The following PFKL variants were observed in gnomAD, a reference collection of about 807,000 sequenced individuals.
PFKL encodes the protein ATP-dependent 6-phosphofructokinase, liver type.
In PFKL, 74 loss-of-function variants were observed where a neutral mutation model predicts 92.1. The observed-to-expected ratio is 0.80, with a 90% confidence interval of 0.67 to 0.97. The LOEUF is 0.97. Among genes scored for constraint, PFKL ranks in the 50% least tolerant of loss-of-function variants. The pLI, the probability that PFKL is intolerant of heterozygous loss-of-function variation, is 0.00. For synonymous variants in PFKL, 494 were observed against 456.4 expected (o/e 1.08, Z -1.05); for missense variants, 1,028 against 1,116.6 (o/e 0.92, Z 1.13).
In PFKL at chr21:44,324,473, C is replaced by T. The variant is rs762597146; in HGVS notation, c.1651-18C>T. 4 of 1,610,040 alleles carry T rather than the reference C, an allele frequency of 2.5e-6. No homozygotes were observed. The Admixed American group carries it at 6.7e-5, about 27-fold the overall frequency. ...GGGTGGGCACGTGGAGGACCCCCGA[C>T]CCCCCCTTGTCCCCCAGAGCTGTGA... On this transcript the variant is annotated intron_variant, in intron 16 of 21. Coordinates refer to ENST00000349048, the MANE Select transcript of PFKL (RefSeq NM_002626.6).
intron 17 of PFKL, 99 bp downstream of exon 17, chr21:44,324,754 T>TG (rs2047452600): frequency 6.4e-7 from 1 of 1,567,014 alleles, no homozygotes; most frequent in African/African-American, 1.3e-5. Flanking sequence ...CCCGGGCAGG[T>TG]GGGACGCGTA....
chr21:44,323,118 GCCCATC>G, intron 15 of PFKL, 69 bp downstream of exon 15: 1 of 1,311,038 alleles, frequency 7.6e-7, no homozygotes, highest in Admixed American at 1.7e-5. Context: ...CGCCGAGGGG[GCCCATC>G]CTGAAAACCC....
chr21:44,300,325 G>T, intron 1 of PFKL, 135 bp downstream of exon 1: 2 of 224,278 alleles, frequency 8.9e-6, no homozygotes, highest in Non-Finnish European at 1.5e-5. Flanking sequence ...CTCCCGCCCC[G>T]GCCTCCTGCC....
At chr21:44,307,461 C>T (rs887516899) in intron 2 of PFKL, 1 of 236,874 alleles carries the variant, frequency 4.2e-6, no homozygotes. Context: ...AAGACAAGGT[C>T]TTTTGTTATT....
At position 44,316,277 on chromosome 21, in the gene PFKL, A is replaced by T. The variant is rs979825240; in HGVS notation, c.781A>T (p.Ile261Phe). The T allele has an allele frequency of 2.5e-6, 4 of 1,613,052 alleles. No homozygotes were observed. Among genetic ancestry groups the T allele is most frequent in the Non-Finnish European group, 3.4e-6 (4 of 1,179,972 alleles). ...RSRGSRLNII[I>F]IAEGAIDRNG... ...CCGTGGGTCCCGACTGAACATCATCATCATCGCTGAGGGTGCCATTGACCG... is the reference window on the plus strand; with the variant it reads ...CCGTGGGTCCCGACTGAACATCATCTTCATCGCTGAGGGTGCCATTGACCG... The change falls in exon 8 of 22, where the codon ATC becomes TTC. Residue 261 changes from isoleucine to phenylalanine, a missense_variant. By Grantham distance (21) the Ile-to-Phe change is conservative. Transcript: ENST00000349048.
chr21:44,304,661 G>T (rs2040877080), intron 1 of PFKL, among the ~76,000 whole-genome samples: 1 of 149,598 alleles, frequency 6.7e-6, no homozygotes, highest in African/African-American at 2.5e-5. Flanking sequence ...GTTTTTGGTT[G>T]TCGGGTGCTT....
At chr21:44,308,985 CAG>C (rs2041035949) in intron 2 of PFKL, among the ~76,000 whole-genome samples, 1 of 152,148 alleles carries the variant, frequency 6.6e-6, no homozygotes, top group African/African-American at 2.4e-5. Flanking sequence ...CATGGAAACT[CAG>C]GGAGGGGACT....
chr21:44,311,763 G>A (rs1421390750), intron 3 of PFKL, among the ~76,000 whole-genome samples: 1 of 152,164 alleles, frequency 6.6e-6, no homozygotes, highest in Non-Finnish European at 1.5e-5. Flanking sequence ...CCGGTTCCCT[G>A]AGTTGGTACA....
rs778899956 is a variant in PFKL, at chr21:44,326,841, G to T, written c.2322G>T (p.Leu774=). ...TGGAGCACGTGACCCGCCGCACCCTGAGCATGGACAAGGGCTTCTGAGGCC... is the reference window on the plus strand; with the variant it reads ...TGGAGCACGTGACCCGCCGCACCCTTAGCATGGACAAGGGCTTCTGAGGCC... ...GELEHVTRRT[L]SMDKGF The change falls in exon 22 of 22, where the codon CTG becomes CTT. Residue 774 remains leucine (L), a synonymous_variant. Transcript: ENST00000349048. The T allele has an allele frequency of 2.5e-6, 4 of 1,609,894 alleles. No homozygotes were observed. The highest frequency in any genetic ancestry group is 1.7e-5 in the Admixed American group (1 of 59,786).
intron 4 of PFKL, 139 bp downstream of exon 4, chr21:44,312,433 G>C: frequency 1.3e-6 from 1 of 757,942 alleles, no homozygotes; most frequent in Non-Finnish European, 2.0e-6. Flanking sequence ...CCGTTGGCCG[G>C]GGAGGAGTAG....
rs61737074 is a variant in PFKL at position 44,322,965 on chromosome 21, C to T, written c.1413C>T (p.Thr471=). Residue 471 remains threonine, a synonymous_variant, in exon 15 of 22, where the codon ACC becomes ACT. Coordinates refer to ENST00000349048, the MANE Select transcript of PFKL (RefSeq NM_002626.6). ...GCGGATGTGTCTTTGACTGCAGGAC[C>T]CTGCCCAAGGGCCAGCTGGAGTCCA... The part of the protein sequence containing the change: ...RGGSMLGTKR[T]LPKGQLESIV... 1,231 of 1,610,686 alleles carry T rather than the reference C, an allele frequency of 7.6e-4. 12 individuals carry two copies. In the African/African-American group the frequency reaches 0.014, roughly 19 times the overall value.
intron 14 of PFKL, among the ~76,000 whole-genome samples, chr21:44,322,596 C>T (rs1009014796): frequency 6.6e-6 from 1 of 152,212 alleles, no homozygotes; most frequent in Non-Finnish European, 1.5e-5. Flanking sequence ...TGTGTGACTA[C>T]AGGGGAAGTT....
intron 18 of PFKL, 82 bp downstream of exon 18, chr21:44,324,999 A>C (rs1046184398): frequency 2.3e-6 from 3 of 1,331,680 alleles, no homozygotes; most frequent in Non-Finnish European, 3.2e-6. Context: ...GCGGCTGGGC[A>C]GGAGAAGGCA....
At chr21:44,322,333 G>T in intron 14 of PFKL, 130 bp downstream of exon 14, 1 of 826,524 alleles carries the variant, frequency 1.2e-6, no homozygotes, top group South Asian at 1.8e-5. Flanking sequence ...CTGGTGGTCT[G>T]CCCAGAGCAG....
chr21:44,303,410 C>CAAAAAAAAAAAAAAAAAAAA (rs1190805609), intron 1 of PFKL, among the ~76,000 whole-genome samples: 1 of 9,164 alleles, frequency 1.1e-4, no homozygotes, highest in African/African-American at 7.2e-4. Context: ...GACTCTGTCT[C>CAAAAAAAAAAAAAAAAAAAA]AAAAAAAAAA....
At chr21:44,316,726 GGT>G (rs1298522407) in intron 9 of PFKL, among the ~76,000 whole-genome samples, 1 of 151,984 alleles carries the variant, frequency 6.6e-6, no homozygotes, top group Admixed American at 6.6e-5. Context: ...GGTCCGTGTG[GGT>G]GTGTGTGGCA....
Position 44,324,850 on chromosome 21 carries a change from C to T in PFKL, c.1816-6C>T. On this transcript the variant is annotated splice_polypyrimidine_tract_variant and splice_region_variant and intron_variant, in intron 17 of 21. Coordinates refer to ENST00000349048, the MANE Select transcript of PFKL (RefSeq NM_002626.6). ...TCCGGCTCATCCGTGTCCGCCCCTC[C>T]CGCAGGTCAACGTGGAGCACATGAC... is the stretch of plus-strand genomic sequence containing the variant. The T allele has an allele frequency of 9.3e-6, 15 of 1,606,564 alleles. No homozygotes were observed. The highest frequency in any genetic ancestry group is 1.2e-5 in the Non-Finnish European group (14 of 1,176,610).
At chr21:44,307,184 C>T (rs2040975228) in intron 2 of PFKL, 1 of 730,328 alleles carries the variant, frequency 1.4e-6, no homozygotes, top group African/African-American at 1.9e-5. Flanking sequence ...CCCCAGCCTC[C>T]TGCCTCACCA....
At chr21:44,306,396 G>T (rs1217125728) in intron 1 of PFKL, among the ~76,000 whole-genome samples, 1 of 152,328 alleles carries the variant, frequency 6.6e-6, no homozygotes, top group Admixed American at 6.5e-5. Context: ...CCACCCGGGG[G>T]CCCAGGGCTG....
Sources: allele counts gnomAD v4.1 joint callset (sites outside exome capture counted in the v4.1 genomes callset), GRCh38; gene constraint gnomAD v4.1.1; transcripts MANE v1.5; gene names NCBI Gene and HGNC (gene_info 2026-07-23, HGNC 2026-07-21).